The following SLC9D1 variants were observed in gnomAD, a reference collection of about 807,000 sequenced individuals.
The protein encoded by SLC9D1 is putative LAG1-interacting protein.
At chr13:113,523,598 T>G in the SLC9D1 span, among the ~76,000 whole-genome samples, 39 of 152,216 alleles carry the variant, frequency 2.6e-4, no homozygotes, top group African/African-American at 8.7e-4. Context: ...CTTGTTTTAT[T>G]GATTTTCTTT....
the SLC9D1 span, among the ~76,000 whole-genome samples, chr13:113,520,385 A>T: frequency 6.6e-6 from 1 of 151,428 alleles, no homozygotes; most frequent in Non-Finnish European, 1.5e-5. Context: ...TCAGGAGGCT[A>T]AGGCAGGAGA....
At chr13:113,497,342 TCTGCAGCTGTGTGAGAC>T in the SLC9D1 span, among the ~76,000 whole-genome samples, 1 of 145,810 alleles carries the variant, frequency 6.9e-6, no homozygotes, top group Non-Finnish European at 1.5e-5. Flanking sequence ...GTGTGTGAGA[TCTGCAGCTGTGTGAGAC>T]CTGCAGCTGT....
chr13:113,512,660 T>G, the SLC9D1 span, among the ~76,000 whole-genome samples: 187 of 121,214 alleles, frequency 1.5e-3, no homozygotes, highest in African/African-American at 5.8e-3. Context: ...GGAAGGGGGC[T>G]GGAGTGTAGA....
chr13:113,497,554 T>G, the SLC9D1 span, among the ~76,000 whole-genome samples: 1 of 126,942 alleles, frequency 7.9e-6, no homozygotes, highest in East Asian at 2.4e-4. Flanking sequence ...GCGAGACTTG[T>G]AGCTGTGTGA....
the SLC9D1 span, among the ~76,000 whole-genome samples, chr13:113,525,958 C>T: frequency 1.7e-4 from 26 of 151,760 alleles, no homozygotes; most frequent in African/African-American, 5.6e-4. Flanking sequence ...TAGAACAAGC[C>T]GTCGTCGTCG....
chr13:113,518,050 TAAAAG>T, the SLC9D1 span, among the ~76,000 whole-genome samples: 6 of 152,148 alleles, frequency 3.9e-5, no homozygotes, highest in African/African-American at 1.4e-4. Context: ...AACTGTTTAA[TAAAAG>T]GAATGGAAAA....
chr13:113,545,008 C>T, the SLC9D1 span, among the ~76,000 whole-genome samples: 5 of 152,248 alleles, frequency 3.3e-5, no homozygotes, highest in South Asian at 2.1e-4. Flanking sequence ...GTGAAATTTA[C>T]AGCAAGGATT....
At chr13:113,519,507 A>T in the SLC9D1 span, among the ~76,000 whole-genome samples, 2 of 152,232 alleles carry the variant, frequency 1.3e-5, no homozygotes, top group Non-Finnish European at 2.9e-5. Context: ...TTTGTGAAGA[A>T]GGTCTCATTT....
chr13:113,494,655 C>CATAT, the SLC9D1 span, among the ~76,000 whole-genome samples: 2,120 of 150,386 alleles, frequency 0.014, 47 homozygotes, highest in African/African-American at 0.047. Flanking sequence ...GGTATTGTGG[C>CATAT]ATATATATAT....
At chr13:113,509,893 G>A in the SLC9D1 span, among the ~76,000 whole-genome samples, 2 of 152,292 alleles carry the variant, frequency 1.3e-5, no homozygotes, top group African/African-American at 2.4e-5. Context: ...TACTGGCCAC[G>A]TGACCTTGGG....
the SLC9D1 span, chr13:113,548,324 C>G: frequency 6.2e-7 from 1 of 1,614,090 alleles, no homozygotes; most frequent in Non-Finnish European, 8.5e-7. Context: ...GGCGCTGGTC[C>G]TGTCTCTCAT....
the SLC9D1 span, among the ~76,000 whole-genome samples, chr13:113,540,566 C>T: frequency 6.6e-6 from 1 of 152,222 alleles, no homozygotes; most frequent in Non-Finnish European, 1.5e-5. Context: ...TCCTGTCCTT[C>T]CCTATTTCCT....
chr13:113,495,014 G>A, the SLC9D1 span, among the ~76,000 whole-genome samples: 12 of 152,076 alleles, frequency 7.9e-5, no homozygotes, highest in Non-Finnish European at 1.5e-4. Context: ...ACAGGCGTGC[G>A]CCACCAGGCC....
chr13:113,497,554 T>C, the SLC9D1 span, among the ~76,000 whole-genome samples: 6 of 126,884 alleles, frequency 4.7e-5, no homozygotes, highest in African/African-American at 1.9e-4. Context: ...GCGAGACTTG[T>C]AGCTGTGTGA....
chr13:113,548,821 C>T, the SLC9D1 span, among the ~76,000 whole-genome samples: 4 of 152,194 alleles, frequency 2.6e-5, no homozygotes. Flanking sequence ...GTGGAGGTTC[C>T]TGTGGACACT....
At chr13:113,538,726 G>C in the SLC9D1 span, among the ~76,000 whole-genome samples, 3 of 152,228 alleles carry the variant, frequency 2.0e-5, no homozygotes, top group African/African-American at 7.2e-5. Flanking sequence ...ATCGTCTACA[G>C]TTTTGTTTTC....
At chr13:113,517,356 C>T in the SLC9D1 span, among the ~76,000 whole-genome samples, 1 of 152,244 alleles carries the variant, frequency 6.6e-6, no homozygotes, top group South Asian at 2.1e-4. Flanking sequence ...CCTCAGCCTC[C>T]CGAGTAGCTG....
chr13:113,547,095 G>C, the SLC9D1 span: 2 of 568,900 alleles, frequency 3.5e-6, no homozygotes, highest in Non-Finnish European at 6.3e-6. Flanking sequence ...ACATCAGACA[G>C]GTCATCCCAG....
chr13:113,519,097 G>T, the SLC9D1 span, among the ~76,000 whole-genome samples: 1 of 150,310 alleles, frequency 6.7e-6, no homozygotes, highest in Non-Finnish European at 1.5e-5. Flanking sequence ...AGGCTGGAGT[G>T]CAGTGGCGTG....
Sources: gnomAD v4.1 joint callset for allele counts (sites outside exome capture counted in the v4.1 genomes callset) on GRCh38, gnomAD v4.1.1 for gene constraint, MANE v1.5 for transcripts, NCBI Gene and HGNC (gene_info 2026-07-23, HGNC 2026-07-21) for gene names.